Variants in NANS observed in about 807,000 individuals in gnomAD.
The protein encoded by NANS is N-acetylneuraminate-9-phosphate synthase.
NANS carries 29 observed loss-of-function variants against 33.3 expected under a neutral mutation model. The ratio of observed to expected loss-of-function variants is 0.87; its 90% CI spans 0.65 to 1.19. NANS has a LOEUF of 1.19. Among genes scored for constraint, NANS ranks in the 50% most tolerant of loss-of-function variants. The pLI is 0.00. For synonymous variants in NANS, 163 were observed against 177.2 expected (o/e 0.92, Z 0.64); for missense variants, 394 against 461.1 (o/e 0.85, Z 1.33).
chr9:98,074,452 G>A (rs1296021843), intron 2 of NANS, among the ~76,000 whole-genome samples: 2 of 152,192 alleles, frequency 1.3e-5, no homozygotes, highest in Non-Finnish European at 2.9e-5. Context: ...GACCCAGCCT[G>A]TAGTAGCCCC....
intron 2 of NANS, among the ~76,000 whole-genome samples, chr9:98,065,661 A>T (rs1241558853): frequency 2.0e-5 from 3 of 147,628 alleles, no homozygotes; most frequent in Non-Finnish European, 4.5e-5. Flanking sequence ...TTCCCCCTGG[A>T]GACAGAATGA....
intron 2 of NANS, among the ~76,000 whole-genome samples, chr9:98,074,445 C>T (rs1829489934): frequency 6.6e-6 from 1 of 152,114 alleles, no homozygotes; most frequent in Non-Finnish European, 1.5e-5. Context: ...AGTTGCTGAC[C>T]CAGCCTGTAG....
chr9:98,071,028 G>T (rs190330803), intron 2 of NANS, among the ~76,000 whole-genome samples: 1 of 151,860 alleles, frequency 6.6e-6, no homozygotes, highest in Non-Finnish European at 1.5e-5. Flanking sequence ...GCCCAGGCTG[G>T]TCTTAAACTC....
chr9:98,061,245 G>A, intron 2 of NANS: 1 of 469,496 alleles, frequency 2.1e-6, no homozygotes, highest in Non-Finnish European at 3.9e-6. Context: ...GGGAGACTGA[G>A]GGGGATGGAT....
intron 2 of NANS, among the ~76,000 whole-genome samples, chr9:98,071,247 A>G (rs1361623286): frequency 1.3e-5 from 2 of 152,170 alleles, no homozygotes; most frequent in African/African-American, 4.8e-5. Context: ...CCTCAGCTGT[A>G]TGGTACATAC....
intron 1 of NANS, among the ~76,000 whole-genome samples, chr9:98,060,224 AT>A (rs201808053): frequency 6.6e-6 from 1 of 151,436 alleles, no homozygotes; most frequent in East Asian, 1.9e-4. Context: ...AAAAAGTCCC[AT>A]TTTTTTTTCT....
At chr9:98,066,556 C>A (rs545662827) in intron 2 of NANS, among the ~76,000 whole-genome samples, 4 of 152,130 alleles carry the variant, frequency 2.6e-5, no homozygotes, top group African/African-American at 9.6e-5. Context: ...ATACAATTAC[C>A]GTTAGAACAT....
In NANS at chr9:98,077,018, G is replaced by GT. The variant is rs756008697; in HGVS notation, c.448+2dup. The GT allele has an allele frequency of 1.2e-6, 2 of 1,601,122 alleles. No individual in the cohort carries two copies. The highest frequency in any genetic ancestry group is 1.7e-6 in the Non-Finnish European group (2 of 1,172,328). Reference sequence around the variant, plus strand: ...TATCTGGAAAAGACAGCCAAAAAAGGTAAGTGTCTAATTTTTGACTTAAAA... The same window carrying GT: ...TATCTGGAAAAGACAGCCAAAAAAGGTTAAGTGTCTAATTTTTGACTTAAAA... On this transcript the variant is annotated splice_donor_variant, in intron 3 of 5. Coordinates refer to ENST00000210444, the MANE Select transcript of NANS (RefSeq NM_018946.4). LOFTEE classifies it high-confidence loss of function.
chr9:98,064,173 A>G (rs1012932888), intron 2 of NANS, among the ~76,000 whole-genome samples: 2 of 152,244 alleles, frequency 1.3e-5, no homozygotes, highest in Non-Finnish European at 2.9e-5. Context: ...ACACTTCTGT[A>G]GACCAAATTC....
chr9:98,076,586 G>C (rs1829602139), intron 2 of NANS: 1 of 262,972 alleles, frequency 3.8e-6, no homozygotes, highest in Admixed American at 6.1e-5. Flanking sequence ...TGTTGGTCAG[G>C]CTAGTCTCAA....
chr9:98,078,473 C>A, intron 4 of NANS, 126 bp downstream of exon 4: 1 of 1,233,350 alleles, frequency 8.1e-7, no homozygotes, highest in Non-Finnish European at 1.1e-6. Context: ...GACAGTCTTG[C>A]TGTTACCAAA....
At chr9:98,081,856 C>T (rs1444428792) in intron 5 of NANS, 1 of 151,996 alleles carries the variant, frequency 6.6e-6, no homozygotes, top group Non-Finnish European at 1.5e-5. Context: ...TGCATCTATA[C>T]CAGGAAATTA....
intron 2 of NANS, 77 bp downstream of exon 2, chr9:98,061,074 A>G: frequency 7.1e-7 from 1 of 1,401,170 alleles, no homozygotes; most frequent in Non-Finnish European, 1.0e-6. Flanking sequence ...CTTCCGGCTT[A>G]GGGCCACCTC....
At position 98,056,915 on chromosome 9, in the gene NANS, C is replaced by A. The variant is rs1470578987; in HGVS notation, c.107C>A (p.Ala36Asp). 6.2e-7 allele frequency: 1 copy of A among 1,608,606 alleles called. No homozygotes were observed. Among genetic ancestry groups the A allele is most frequent in the African/African-American group, 1.3e-5 (1 of 74,154 alleles). The change falls in exon 1 of 6, where the codon GCC (alanine) becomes GAC (aspartate). Residue 36 changes from alanine (A) to aspartate (D), a missense_variant. Transcript: ENST00000210444. The part of the protein sequence containing the change: ...GQNHQGDLDV[A>D]KRMIRMAKEC... ...AACCACCAGGGCGACCTGGACGTAGCCAAGCGCATGATCCGCATGGCCAAG... is the reference window on the plus strand; with the variant it reads ...AACCACCAGGGCGACCTGGACGTAGACAAGCGCATGATCCGCATGGCCAAG...
chr9:98,057,998 C>G (rs1828878703), intron 1 of NANS, among the ~76,000 whole-genome samples: 1 of 140,548 alleles, frequency 7.1e-6, no homozygotes, highest in African/African-American at 2.7e-5. Flanking sequence ...TCCCGGCTCA[C>G]TGCAACCTCT....
Position 98,056,878 on chromosome 9 carries a change from G to C in NANS, c.70G>C (p.Glu24Gln). The C allele has an allele frequency of 3.1e-6, 5 of 1,611,956 alleles. No homozygotes were observed. Among genetic ancestry groups the C allele is most frequent in the Non-Finnish European group, 4.2e-6 (5 of 1,179,284 alleles). Reference sequence around the variant, plus strand: ...GCAACACCCGTGCTTCATCATTGCCGAGATCGGCCAGAACCACCAGGGCGA... The same window carrying C: ...GCAACACCCGTGCTTCATCATTGCCCAGATCGGCCAGAACCACCAGGGCGA... ...GGQHPCFIIA[E>Q]IGQNHQGDLD... The change falls in exon 1 of 6, where the codon GAG becomes CAG. Residue 24 changes from glutamate to glutamine, a missense_variant. Glu to Gln is a conservative substitution (Grantham distance 29). Coordinates refer to ENST00000210444, the MANE Select transcript of NANS (RefSeq NM_018946.4).
intron 1 of NANS, among the ~76,000 whole-genome samples, chr9:98,059,730 GT>G (rs796331198): frequency 9.2e-4 from 128 of 139,280 alleles, no homozygotes; most frequent in Middle Eastern, 3.6e-3. Context: ...AGTGTTTTTT[GT>G]TTTTTTTTTT....
chr9:98,058,189 T>C (rs558032717), intron 1 of NANS, among the ~76,000 whole-genome samples: 88 of 152,236 alleles, frequency 5.8e-4, no homozygotes, highest in African/African-American at 2.0e-3. Flanking sequence ...AGTGCTGGGA[T>C]TACAGGTGTG....
chr9:98,064,595 G>A (rs936470280), intron 2 of NANS, among the ~76,000 whole-genome samples: 2 of 152,120 alleles, frequency 1.3e-5, no homozygotes, highest in Non-Finnish European at 2.9e-5. Context: ...TGTTTATGAA[G>A]CATCTTCACA....
Sources: allele counts gnomAD v4.1 joint callset (sites outside exome capture counted in the v4.1 genomes callset), GRCh38; gene constraint gnomAD v4.1.1; transcripts MANE v1.5; gene names NCBI Gene and HGNC (gene_info 2026-07-23, HGNC 2026-07-21).